The following KBTBD7 variants were observed in gnomAD, a reference collection of about 807,000 sequenced individuals.
KBTBD7 encodes kelch repeat and BTB domain-containing protein 7.
In KBTBD7, 25 loss-of-function variants were observed where a neutral mutation model predicts 50.3. That is an observed-to-expected ratio of 0.50 (90% CI 0.36 to 0.69). KBTBD7 has a LOEUF of 0.69. KBTBD7 is among the 30% of genes least tolerant of loss of function. KBTBD7 has a pLI of 0.00. For synonymous variants in KBTBD7, 305 were observed against 325.3 expected (o/e 0.94, Z 0.67); for missense variants, 653 against 869.5 (o/e 0.75, Z 3.13).
In KBTBD7 at chr13:41,193,993, G is replaced by A; in HGVS notation, c.265C>T (p.Leu89=). The A allele has an allele frequency of 6.2e-7, 1 of 1,614,190 alleles. No homozygotes were observed. Among genetic ancestry groups the A allele is most frequent in the Non-Finnish European group, 8.5e-7 (1 of 1,180,024 alleles). Residue 89 remains leucine, a synonymous_variant, in exon 1 of 1, where the codon CTA becomes TTA. Coordinates refer to ENST00000379483, the MANE Select transcript of KBTBD7 (RefSeq NM_032138.7). The surrounding 1 kb of genome is among the most constrained non-coding windows in gnomAD (Gnocchi z 5.7). The stretch of plus-strand genomic sequence containing the variant: ...TTGAAGTAGGGACACGCAGCTGCTA[G>A]CACGTTGCGATTGCAGGAAAAGAGG... ...GRLFSCNRNV[L]AAACPYFKSM...
rs1025837101 is a variant in KBTBD7 at position 41,191,009 on chromosome 13, A to G, written c.*1194T>C. On this transcript the variant is annotated 3_prime_UTR_variant, in exon 1 of 1. Coordinates refer to ENST00000379483, the MANE Select transcript of KBTBD7 (RefSeq NM_032138.7). Reference sequence around the variant, plus strand: ...GACTTACAAAATGGACAATATTCCAATGCTACACAAAACGGTTCTATAATA... The same window carrying G: ...GACTTACAAAATGGACAATATTCCAGTGCTACACAAAACGGTTCTATAATA... 3 of 152,206 alleles carry G rather than the reference A, an allele frequency of 2.0e-5. No individual in the cohort carries two copies. The highest frequency in any genetic ancestry group is 1.5e-5 in the Non-Finnish European group (1 of 68,010). The allele number at this position is 152,206 out of a possible 1,614,324, so 9.4% of individuals were successfully genotyped here.
chr13:41,194,071 ACAG>A lies in KBTBD7; in HGVS notation c.184_186del (p.Leu62del). 2 of 1,614,130 alleles carry A rather than the reference ACAG, an allele frequency of 1.2e-6. No individual in the cohort carries two copies. Among genetic ancestry groups the A allele is most frequent in the Non-Finnish European group, 1.7e-6 (2 of 1,180,028 alleles). ...GTCACCACCTCGATGGTCACATCACACAGCAGCCGCGCGTCGTAGAAGGACTTG... is the reference window on the plus strand; with the variant it reads ...GTCACCACCTCGATGGTCACATCACACAGCCGCGCGTCGTAGAAGGACTTG... On this transcript the variant is annotated inframe_deletion, in exon 1 of 1. Transcript: ENST00000379483.
chr13:41,192,240 G>T lies in KBTBD7; in HGVS notation c.2018C>A (p.Pro673His), dbSNP rs781378195. 108 of 1,613,870 alleles carry T rather than the reference G, an allele frequency of 6.7e-5. No individual in the cohort carries two copies. The Admixed American group carries it at 1.8e-3, about 27-fold the overall frequency. Residue 673 changes from proline to histidine, a missense_variant, in exon 1 of 1, where the codon CCT (proline) becomes CAT (histidine). Physicochemically the swap from Pro to His is moderately conservative, Grantham distance 77. Around this residue, in one of 3 missense-constraint regions of KBTBD7, gnomAD observed 526 missense variants for 717.1 expected, o/e 0.73. Coordinates refer to ENST00000379483, the MANE Select transcript of KBTBD7 (RefSeq NM_032138.7). ...SDDEVWVQVAPQRNAQDQQGS... is the reference protein window; with the variant it reads ...SDDEVWVQVAHQRNAQDQQGS... The stretch of plus-strand genomic sequence containing the variant: ...CTGCTGATCCTGTGCATTTCGCTGA[G>T]GTGCTACTTGCACCCAGACTTCATC...
At position 41,192,577 on chromosome 13, in the gene KBTBD7, T is replaced by C; in HGVS notation, c.1681A>G (p.Ile561Val). 6.2e-7 allele frequency: 1 copy of C among 1,614,200 alleles called. No homozygotes were observed. The highest frequency in any genetic ancestry group is 1.1e-5 in the South Asian group (1 of 91,084). The stretch of plus-strand genomic sequence containing the variant: ...AGCAACTTTTGGTCATGATTGACAA[T>C]CTGGTAGTTGTGGGTCTCTGAATCC... ...PLDSETHNYQ[I>V]VNHDQKLLLI... Residue 561 changes from isoleucine (I) to valine (V), a missense_variant, in exon 1 of 1, where the codon ATT (isoleucine) becomes GTT (valine). Around this residue, in one of 3 missense-constraint regions of KBTBD7, gnomAD observed 526 missense variants for 717.1 expected, o/e 0.73. Coordinates refer to ENST00000379483, the MANE Select transcript of KBTBD7 (RefSeq NM_032138.7).
Position 41,193,182 on chromosome 13 carries a change from T to C in KBTBD7, c.1076A>G (p.Tyr359Cys), listed in dbSNP as rs766061928. 16 of 1,614,024 alleles carry C rather than the reference T, an allele frequency of 9.9e-6. No individual in the cohort carries two copies. Among genetic ancestry groups the C allele is most frequent in the Admixed American group, 1.7e-5 (1 of 59,992 alleles). ...FGHPRDPFLC[Y>C]DPYSGDIYTM... ...GTAAATGTCCCCCGAGTAAGGGTCA[T>C]AGCAGAGAAAGGGATCTCTAGGATG... is the stretch of plus-strand genomic sequence containing the variant. The change falls in exon 1 of 1, where the codon TAT (tyrosine) becomes TGT (cysteine). Residue 359 changes from tyrosine to cysteine, a missense_variant. Tyr to Cys is a radical substitution (Grantham distance 194). Transcript: ENST00000379483. This position sits in a 1 kb window ranked among gnomAD's most constrained non-coding sequence, Gnocchi z 5.7.
chr13:41,193,134 C>T lies in KBTBD7; in HGVS notation c.1124G>A (p.Ser375Asn). The stretch of plus-strand genomic sequence containing the variant: ...GGTGACAGTCTTAGTGTGAGCAAAG[C>T]TGGTCAAAGGGGATGGCATTGTGTA... The part of the protein sequence containing the change: ...DIYTMPSPLT[S>N]FAHTKTVTSS... The change falls in exon 1 of 1, where the codon AGC becomes AAC. Residue 375 changes from serine to asparagine, a missense_variant. Transcript: ENST00000379483. This position sits in a 1 kb window ranked among gnomAD's most constrained non-coding sequence, Gnocchi z 5.7. 3 of 1,614,208 alleles carry T rather than the reference C, an allele frequency of 1.9e-6. No homozygotes were observed. Among genetic ancestry groups the T allele is most frequent in the Non-Finnish European group, 2.5e-6 (3 of 1,180,038 alleles).
Position 41,190,203 on chromosome 13 carries a change from A to AC in KBTBD7, c.*1999_*2000insG, listed in dbSNP as rs2031351192. The AC allele has an allele frequency of 6.6e-6, 1 of 152,224 alleles. No homozygotes were observed. 9.4% of individuals were successfully genotyped at this position (152,224 alleles called of 1,614,324 possible). A position where few individuals can be genotyped will look rare whatever the true frequency, so the allele number is the denominator to read the frequency against. On this transcript the variant is annotated 3_prime_UTR_variant, in exon 1 of 1. Coordinates refer to ENST00000379483, the MANE Select transcript of KBTBD7 (RefSeq NM_032138.7). ...TTGTCTCAAAAATAACACAATTGAGAAATAGCTTTGTATTAAGTGCAGTAC... is the reference window on the plus strand; with the variant it reads ...TTGTCTCAAAAATAACACAATTGAGACAATAGCTTTGTATTAAGTGCAGTAC...
In KBTBD7 at chr13:41,193,037, C is replaced by T. The variant is rs201916293; in HGVS notation, c.1221G>A (p.Val407=). ...GCCAACTATTCTGAGCTGGTTTATA[C>T]ACCCAGAGGTCTTTCCTGGGCTGAG... ...LAAQPRKDLW[V]YKPAQNSWQQ... is the part of the protein sequence containing the mutation. The change falls in exon 1 of 1, where the codon GTG becomes GTA. Residue 407 remains valine (V), a synonymous_variant. Transcript: ENST00000379483. This position sits in a 1 kb window ranked among gnomAD's most constrained non-coding sequence, Gnocchi z 5.7. The T allele has an allele frequency of 6.2e-7, 1 of 1,614,218 alleles. No individual in the cohort carries two copies. Among genetic ancestry groups the T allele is most frequent in the East Asian group, 2.2e-5 (1 of 44,888 alleles).
Position 41,193,849 on chromosome 13 carries a change from T to G in KBTBD7, c.409A>C (p.Ser137Arg). 2 of 1,614,156 alleles carry G rather than the reference T, an allele frequency of 1.2e-6. No individual in the cohort carries two copies. The highest frequency in any genetic ancestry group is 1.7e-6 in the Non-Finnish European group (2 of 1,180,040). The change falls in exon 1 of 1, where the codon AGT becomes CGT. Residue 137 changes from serine (S) to arginine (R), a missense_variant. Coordinates refer to ENST00000379483, the MANE Select transcript of KBTBD7 (RefSeq NM_032138.7). This position sits in a 1 kb window ranked among gnomAD's most constrained non-coding sequence, Gnocchi z 5.7. Reference protein sequence around the residue: ...DYCYTGRVSLSEANVQRLYAA... With the variant: ...DYCYTGRVSLREANVQRLYAA... Reference sequence around the variant, plus strand: ...TACAGGCGCTGCACATTGGCCTCACTGAGAGACACACGACCCGTGTAGCAG... The same window carrying G: ...TACAGGCGCTGCACATTGGCCTCACGGAGAGACACACGACCCGTGTAGCAG...
In KBTBD7 at chr13:41,190,970, A is replaced by T. The variant is rs1460267261; in HGVS notation, c.*1233T>A. The stretch of plus-strand genomic sequence containing the variant: ...AAAAATACCTTCAAGCTGATAATTA[A>T]GAACATTCACAATGACTTACAAAAT... On this transcript the variant is annotated 3_prime_UTR_variant, in exon 1 of 1. Coordinates refer to ENST00000379483, the MANE Select transcript of KBTBD7 (RefSeq NM_032138.7). 1 of 152,212 alleles carries T rather than the reference A, an allele frequency of 6.6e-6. No individual in the cohort carries two copies. The highest frequency in any genetic ancestry group is 1.5e-5 in the Non-Finnish European group (1 of 67,994). 9.4% of individuals were successfully genotyped at this position (152,212 alleles called of 1,614,324 possible).
rs2031393638 is a variant in KBTBD7, at chr13:41,191,729, T to C, written c.*474A>G. On this transcript the variant is annotated 3_prime_UTR_variant, in exon 1 of 1. Transcript: ENST00000379483. Reference sequence around the variant, plus strand: ...ACTTAGAATATAAAGAACTGACTAGTGTAAAATTTTGAAAATCTACCACTT... The same window carrying C: ...ACTTAGAATATAAAGAACTGACTAGCGTAAAATTTTGAAAATCTACCACTT... 6.6e-6 allele frequency: 1 copy of C among 152,392 alleles called. No individual in the cohort carries two copies. Among genetic ancestry groups the C allele is most frequent in the South Asian group, 2.1e-4 (1 of 4,850 alleles). The allele number at this position is 152,392 out of a possible 1,614,324, so 9.4% of individuals were successfully genotyped here.
rs963732746 is a variant in KBTBD7, at chr13:41,193,296, C to A, written c.962G>T (p.Ser321Ile). Residue 321 changes from serine to isoleucine, a missense_variant, in exon 1 of 1, where the codon AGT becomes ATT. Transcript: ENST00000379483. This position sits in a 1 kb window ranked among gnomAD's most constrained non-coding sequence, Gnocchi z 5.7. ...AGATACAAGAGAGTTGCTGCTGCTACTGCTGCTGCTGCTGTTTGGCACTGG... is the reference window on the plus strand; with the variant it reads ...AGATACAAGAGAGTTGCTGCTGCTAATGCTGCTGCTGCTGTTTGGCACTGG... Reference protein sequence around the residue: ...LVPVPNSSSSSSSSNSLVSAA... With the variant: ...LVPVPNSSSSISSSNSLVSAA... The A allele has an allele frequency of 2.5e-6, 4 of 1,591,626 alleles. No homozygotes were observed. Among genetic ancestry groups the A allele is most frequent in the Non-Finnish European group, 2.6e-6 (3 of 1,160,552 alleles).
At position 41,190,485 on chromosome 13, in the gene KBTBD7, C is replaced by T. The variant is rs2031359428; in HGVS notation, c.*1718G>A. The T allele has an allele frequency of 6.6e-6, 1 of 152,118 alleles. No individual in the cohort carries two copies. Among genetic ancestry groups the T allele is most frequent in the African/African-American group, 2.4e-5 (1 of 41,424 alleles). 9.4% of individuals were successfully genotyped at this position (152,118 alleles called of 1,614,324 possible). ...GTTCCCCATCCTAGACCAGACTCCTCTGTCCTCTGCCAGGGTATAAGAAAA... is the reference window on the plus strand; with the variant it reads ...GTTCCCCATCCTAGACCAGACTCCTTTGTCCTCTGCCAGGGTATAAGAAAA... On this transcript the variant is annotated 3_prime_UTR_variant, in exon 1 of 1. Transcript: ENST00000379483.
rs781587761 is a variant in KBTBD7, at chr13:41,193,742, G to A, written c.516C>T (p.Asn172=). 4 of 1,614,248 alleles carry A rather than the reference G, an allele frequency of 2.5e-6. No homozygotes were observed. Among genetic ancestry groups the A allele is most frequent in the African/African-American group, 1.3e-5 (1 of 75,066 alleles). ...CTGCAAACTTGAGGATGGCGGTGCAGTTGGTCAGGTCAAGACGTCGGGCTA... is the reference window on the plus strand; with the variant it reads ...CTGCAAACTTGAGGATGGCGGTGCAATTGGTCAGGTCAAGACGTCGGGCTA... ...SFLARRLDLT[N]CTAILKFADA... Residue 172 remains asparagine (N), a synonymous_variant, in exon 1 of 1, where the codon AAC becomes AAT. Coordinates refer to ENST00000379483, the MANE Select transcript of KBTBD7 (RefSeq NM_032138.7). The surrounding 1 kb of genome is among the most constrained non-coding windows in gnomAD (Gnocchi z 5.7).
At position 41,193,605 on chromosome 13, in the gene KBTBD7, G is replaced by A; in HGVS notation, c.653C>T (p.Thr218Ile). Reference sequence around the variant, plus strand: ...TAGGACAGCCAGCAGCTGGGCCAGGGTTAGATCTGCTAGAGTCTCCTCCCG... The same window carrying A: ...TAGGACAGCCAGCAGCTGGGCCAGGATTAGATCTGCTAGAGTCTCCTCCCG... ...SIREETLADL[T>I]LAQLLAVLRL... Residue 218 changes from threonine to isoleucine, a missense_variant, in exon 1 of 1, where the codon ACC becomes ATC. Coordinates refer to ENST00000379483, the MANE Select transcript of KBTBD7 (RefSeq NM_032138.7). The surrounding 1 kb of genome is among the most constrained non-coding windows in gnomAD (Gnocchi z 5.7). 1 of 1,614,210 alleles carries A rather than the reference G, an allele frequency of 6.2e-7. No homozygotes were observed. The highest frequency in any genetic ancestry group is 1.1e-5 in the South Asian group (1 of 91,086).
chr13:41,192,352 C>T lies in KBTBD7; in HGVS notation c.1906G>A (p.Ala636Thr). Residue 636 changes from alanine (A) to threonine (T), a missense_variant, in exon 1 of 1, where the codon GCA (alanine) becomes ACA (threonine). By Grantham distance (58) the Ala-to-Thr change is moderately conservative. Coordinates refer to ENST00000379483, the MANE Select transcript of KBTBD7 (RefSeq NM_032138.7). Reference protein sequence around the residue: ...GQSFITEEDDARSESSTEWDL... With the variant: ...GQSFITEEDDTRSESSTEWDL... Reference sequence around the variant, plus strand: ...CATTCAGTACTAGACTCACTCCGTGCATCATCTTCCTCAGTAATAAAACTC... The same window carrying T: ...CATTCAGTACTAGACTCACTCCGTGTATCATCTTCCTCAGTAATAAAACTC... The T allele has an allele frequency of 1.9e-6, 3 of 1,614,170 alleles. No individual in the cohort carries two copies. The highest frequency in any genetic ancestry group is 2.5e-6 in the Non-Finnish European group (3 of 1,180,020).
rs1345124895 is a variant in KBTBD7, at chr13:41,190,182, C to T, written c.*2021G>A. 6.6e-6 allele frequency: 1 copy of T among 152,102 alleles called. No individual in the cohort carries two copies. Among genetic ancestry groups the T allele is most frequent in the Admixed American group, 6.5e-5 (1 of 15,278 alleles). 9.4% of individuals were successfully genotyped at this position (152,102 alleles called of 1,614,324 possible). ...AAGTTAATGGTGAAGAAAAATTTGT[C>T]TCAAAAATAACACAATTGAGAAATA... On this transcript the variant is annotated 3_prime_UTR_variant, in exon 1 of 1. Transcript: ENST00000379483.
In KBTBD7 at chr13:41,194,163, G is replaced by A. The variant is rs773406283; in HGVS notation, c.95C>T (p.Ala32Val). The A allele has an allele frequency of 2.5e-6, 4 of 1,614,206 alleles. No homozygotes were observed. The East Asian group carries it at 8.9e-5, about 36-fold the overall frequency. The stretch of plus-strand genomic sequence containing the variant: ...TAACTCCTCTGGACCCGTGAAAAAG[G>A]CCGAAACCGAGGGCTTGGAAATCCT... The part of the protein sequence containing the change: ...PKRISKPSVS[A>V]FFTGPEELKD... The change falls in exon 1 of 1, where the codon GCC (alanine) becomes GTC (valine). Residue 32 changes from alanine to valine, a missense_variant. Transcript: ENST00000379483.
rs934412066 is a variant in KBTBD7 at position 41,192,838 on chromosome 13, A to C, written c.1420T>G (p.Phe474Val). The C allele has an allele frequency of 1.9e-6, 3 of 1,614,136 alleles. No homozygotes were observed. The highest frequency in any genetic ancestry group is 2.7e-5 in the African/African-American group (2 of 74,944). The part of the protein sequence containing the change: ...WALVAPVPHS[F>V]YSFELIVVQN... ...ACCACTATGAGTTCAAAGGAATAGA[A>C]GGAATGAGGGACAGGAGCCACCAAT... Residue 474 changes from phenylalanine to valine, a missense_variant, in exon 1 of 1, where the codon TTC (phenylalanine) becomes GTC (valine). Physicochemically the swap from Phe to Val is conservative, Grantham distance 50. Coordinates refer to ENST00000379483, the MANE Select transcript of KBTBD7 (RefSeq NM_032138.7).
Sources: gnomAD v4.1 joint callset for allele counts on GRCh38, gnomAD v4.1.1 for gene constraint, gnomAD v4.1.1 regional missense constraint, Gnocchi (gnomAD v3.1) non-coding constraint, MANE v1.5 for transcripts, NCBI Gene and HGNC (gene_info 2026-07-23, HGNC 2026-07-21) for gene names.